MANSC4: variants seen among roughly 807,000 people sequenced by gnomAD.
MANSC4 encodes the protein MANSC domain containing 4, also known as MANSC domain-containing protein 4.
In MANSC4, 11 loss-of-function variants were observed where a neutral mutation model predicts 11.4. The ratio of observed to expected loss-of-function variants is 0.97; its 90% CI spans 0.61 to 1.60. MANSC4 has a LOEUF of 1.60. Ranked by LOEUF, MANSC4 falls within the 40% of genes most tolerant of loss-of-function variation. MANSC4 has a pLI of 0.00. For synonymous variants in MANSC4, 123 were observed against 147.1 expected (o/e 0.84, Z 1.19); for missense variants, 354 against 404.6 (o/e 0.88, Z 1.07).
chr12:27,765,648 T>C (rs186240478), intron 3 of MANSC4, among the ~76,000 whole-genome samples: 2 of 152,224 alleles, frequency 1.3e-5, no homozygotes, highest in South Asian at 2.1e-4. Context: ...TTGTATTTAG[T>C]TGTGTCTTAA....
At chr12:27,779,036 T>A (rs2062131914) in intron 1 of MANSC4, among the ~76,000 whole-genome samples, 1 of 152,086 alleles carries the variant, frequency 6.6e-6, no homozygotes, top group Non-Finnish European at 1.5e-5. Context: ...GCCCGGCTAA[T>A]TTTTGTATTT....
chr12:27,774,163 CA>C (rs67900444), intron 1 of MANSC4, among the ~76,000 whole-genome samples: 63,284 of 148,790 alleles, frequency 0.43, 13,716 homozygotes, highest in African/African-American at 0.55. Flanking sequence ...AACCAAAAAA[CA>C]AAACAAAAAA....
intron 2 of MANSC4, among the ~76,000 whole-genome samples, 174 bp from the exon 3 acceptor site, chr12:27,766,973 T>C (rs568074924): frequency 1.3e-5 from 2 of 152,238 alleles, no homozygotes; most frequent in East Asian, 3.9e-4. Context: ...TCTGTGAATA[T>C]GGAAAATACT....
At chr12:27,767,712 C>CAACAAA (rs1398398837) in intron 2 of MANSC4, among the ~76,000 whole-genome samples, 13 of 152,048 alleles carry the variant, frequency 8.5e-5, no homozygotes, top group Non-Finnish European at 1.9e-4. Context: ...ACAACAACAA[C>CAACAAA]AACAACAAAA....
Position 27,771,195 on chromosome 12 carries a change from T to C in MANSC4, c.82A>G (p.Ile28Val), listed in dbSNP as rs2062099151. 8 of 1,551,926 alleles carry C rather than the reference T, an allele frequency of 5.2e-6. No homozygotes were observed. Among genetic ancestry groups the C allele is most frequent in the Admixed American group, 2.0e-5 (1 of 50,974 alleles). Residue 28 changes from isoleucine (I) to valine (V), a missense_variant, in exon 2 of 4, where the codon ATT becomes GTT. Coordinates refer to ENST00000381273, the MANE Select transcript of MANSC4 (RefSeq NM_001146221.5). ...CGGATCCAGCAGTCTCTGTAAAAAA[T>C]TGTGGGTGAGCAGAGAGAGTCTGAT... ...WTSDSLCSPT[I>V]FYRDCWIRRF...
chr12:27,774,178 A>AC (rs1565478779), intron 1 of MANSC4, among the ~76,000 whole-genome samples: 4 of 151,950 alleles, frequency 2.6e-5, no homozygotes, highest in African/African-American at 9.7e-5. Context: ...CAAAAAAAAA[A>AC]CCCCAGAAAT....
chr12:27,773,885 C>T (rs184945037), intron 1 of MANSC4, among the ~76,000 whole-genome samples: 144 of 152,240 alleles, frequency 9.5e-4, no homozygotes, highest in African/African-American at 3.2e-3. Context: ...TGGTGGCTCA[C>T]GCCTGTAATC....
chr12:27,775,650 C>T (rs1422602768), intron 1 of MANSC4, among the ~76,000 whole-genome samples: 1 of 152,160 alleles, frequency 6.6e-6, no homozygotes. Flanking sequence ...AATCCTCCCG[C>T]CCTGGCCTCC....
Position 27,771,244 on chromosome 12 carries a change from T to A in MANSC4, c.33A>T (p.Ile11=). MHVAEVAVNV[I]LLLSMGWTSD... is the part of the protein sequence containing the mutation. Reference sequence around the variant, plus strand: ...ATGTCCACCCCATGCTTAGGAGCAATATCACGTTCACTGCTACCTCTGCCA... The same window carrying A: ...ATGTCCACCCCATGCTTAGGAGCAAAATCACGTTCACTGCTACCTCTGCCA... The change falls in exon 2 of 4, where the codon ATA becomes ATT. Residue 11 remains isoleucine, a synonymous_variant. Coordinates refer to ENST00000381273, the MANE Select transcript of MANSC4 (RefSeq NM_001146221.5). 1.3e-6 allele frequency: 2 copies of A among 1,551,200 alleles called. No homozygotes were observed. Among genetic ancestry groups the A allele is most frequent in the Middle Eastern group, 1.9e-4 (1 of 5,240 alleles).
chr12:27,765,084 G>A (rs1333634347), intron 3 of MANSC4, among the ~76,000 whole-genome samples: 1 of 152,114 alleles, frequency 6.6e-6, no homozygotes, highest in African/African-American at 2.4e-5. Flanking sequence ...TGATCCTCCT[G>A]CCTCAGCCTC....
intron 1 of MANSC4, among the ~76,000 whole-genome samples, chr12:27,779,477 A>G (rs1302632541): frequency 6.6e-6 from 1 of 152,106 alleles, no homozygotes; most frequent in Non-Finnish European, 1.5e-5. Context: ...CTGCCTCCCA[A>G]CCCGATTCCT....
chr12:27,766,764 T>C lies in MANSC4; in HGVS notation c.265A>G (p.Ile89Val). Residue 89 changes from isoleucine to valine, a missense_variant, in exon 3 of 4, where the codon ATT becomes GTT. Transcript: ENST00000381273. The stretch of plus-strand genomic sequence containing the variant: ...TGGAGGCAGTTGATATTGTCATGAA[T>C]AGGACTGTGGTAGAAGACAGCCAGG... ...CNLAVFYHSP[I>V]HDNINCLHVH... The C allele has an allele frequency of 6.4e-7, 1 of 1,551,732 alleles. No homozygotes were observed. Among genetic ancestry groups the C allele is most frequent in the Non-Finnish European group, 8.7e-7 (1 of 1,146,986 alleles).
chr12:27,777,669 AAAC>A (rs1193314885), intron 1 of MANSC4, among the ~76,000 whole-genome samples: 12 of 152,244 alleles, frequency 7.9e-5, no homozygotes, highest in African/African-American at 2.4e-4. Context: ...GAATCCAAGA[AAAC>A]AACTGAGTAA....
Position 27,766,710 on chromosome 12 carries a change from T to C in MANSC4, c.319A>G (p.Ile107Val). 1.3e-6 allele frequency: 2 copies of C among 1,551,748 alleles called. No homozygotes were observed. Among genetic ancestry groups the C allele is most frequent in the Non-Finnish European group, 1.7e-6 (2 of 1,146,992 alleles). Residue 107 changes from isoleucine to valine, a missense_variant, in exon 3 of 4, where the codon ATA (isoleucine) becomes GTA (valine). Transcript: ENST00000381273. ...HVHCPTLESCILEPGTSAILY... is the reference protein window; with the variant it reads ...HVHCPTLESCVLEPGTSAILY... ...ATGGCACTGGTTCCAGGCTCTAATA[T>C]GCAGCTCTCCAGTGTTGGGCAGTGA...
intron 2 of MANSC4, 22 bp from the exon 3 acceptor site, chr12:27,766,821 T>C (rs1235401312): frequency 6.5e-7 from 1 of 1,549,086 alleles, no homozygotes; most frequent in Admixed American, 2.0e-5. Context: ...ACAAGCGAAG[T>C]ACATCTGCAG....
chr12:27,774,018 C>T (rs188987331), intron 1 of MANSC4, among the ~76,000 whole-genome samples: 39 of 152,108 alleles, frequency 2.6e-4, no homozygotes, highest in African/African-American at 8.2e-4. Flanking sequence ...TGTGGTGGCA[C>T]ACGGCTGTAA....
intron 2 of MANSC4, among the ~76,000 whole-genome samples, chr12:27,769,275 G>T (rs532994505): frequency 6.6e-6 from 1 of 152,220 alleles, no homozygotes; most frequent in Non-Finnish European, 1.5e-5. Flanking sequence ...TGATTCTGCA[G>T]AGGACAATTT....
Position 27,771,046 on chromosome 12 carries a change from AC to A in MANSC4, c.229+1del. On this transcript the variant is annotated splice_donor_variant, in intron 2 of 3. Coordinates refer to ENST00000381273, the MANE Select transcript of MANSC4 (RefSeq NM_001146221.5). LOFTEE classifies it high-confidence loss of function. ...TTGCCCAAGCATATCATGAATACTT[AC>A]CATCCTTCCGAAGACAGCAGCTCCT... 1 of 1,548,044 alleles carries A rather than the reference AC, an allele frequency of 6.5e-7. No homozygotes were observed. The highest frequency in any genetic ancestry group is 8.7e-7 in the Non-Finnish European group (1 of 1,145,388).
intron 1 of MANSC4, among the ~76,000 whole-genome samples, chr12:27,779,521 G>A (rs1019595206): frequency 2.6e-5 from 4 of 152,146 alleles, no homozygotes; most frequent in African/African-American, 9.6e-5. Context: ...TGGACCTCCT[G>A]TAAGATGGCT....
Sources: allele counts gnomAD v4.1 joint callset (sites outside exome capture counted in the v4.1 genomes callset), GRCh38; gene constraint gnomAD v4.1.1; transcripts MANE v1.5; gene names NCBI Gene and HGNC (gene_info 2026-07-23, HGNC 2026-07-21).